The following AFG2A variants were observed in gnomAD, a reference collection of about 807,000 sequenced individuals.
AFG2A encodes the protein ATPase family gene 2 protein homolog A.
the AFG2A span, among the ~76,000 whole-genome samples, chr4:123,185,912 A>AAGAT: frequency 6.6e-6 from 1 of 152,174 alleles, no homozygotes; most frequent in East Asian, 1.9e-4. Context: ...GAAAGAAAGA[A>AAGAT]AATATGCATT....
At chr4:123,245,254 C>T in the AFG2A span, among the ~76,000 whole-genome samples, 6 of 152,132 alleles carry the variant, frequency 3.9e-5, no homozygotes, top group African/African-American at 1.4e-4. Flanking sequence ...TTTGTCCCCA[C>T]TGCCACTACT....
At chr4:123,232,373 G>A in the AFG2A span, among the ~76,000 whole-genome samples, 1 of 152,012 alleles carries the variant, frequency 6.6e-6, no homozygotes, top group African/African-American at 2.4e-5. Flanking sequence ...GAGGTATAAT[G>A]TGGAGTGTCA....
the AFG2A span, among the ~76,000 whole-genome samples, chr4:123,004,812 T>A: frequency 2.0e-5 from 3 of 152,202 alleles, no homozygotes; most frequent in Admixed American, 1.3e-4. Flanking sequence ...TATTTTTCCC[T>A]TATATGTTCT....
chr4:123,207,096 A>G, the AFG2A span, among the ~76,000 whole-genome samples: 1 of 152,174 alleles, frequency 6.6e-6, no homozygotes, highest in Non-Finnish European at 1.5e-5. Context: ...AAACGAATTA[A>G]TGAGGAAGAA....
chr4:122,988,835 T>A, the AFG2A span, among the ~76,000 whole-genome samples: 33 of 152,212 alleles, frequency 2.2e-4, no homozygotes, highest in Non-Finnish European at 4.3e-4. Flanking sequence ...CTTTTTGTTT[T>A]TGTGACAAGA....
At chr4:123,282,775 A>T in the AFG2A span, among the ~76,000 whole-genome samples, 13 of 13,630 alleles carry the variant, frequency 9.5e-4, no homozygotes, top group Non-Finnish European at 3.7e-3. Flanking sequence ...TTAAAATTAA[A>T]AAAAAAAAAA....
chr4:122,954,834 C>CT, the AFG2A span, among the ~76,000 whole-genome samples: 1 of 152,030 alleles, frequency 6.6e-6, no homozygotes. Flanking sequence ...AGATCCACCC[C>CT]CTGCAACAGC....
the AFG2A span, among the ~76,000 whole-genome samples, chr4:123,068,179 A>G: frequency 6.6e-6 from 1 of 152,150 alleles, no homozygotes; most frequent in Non-Finnish European, 1.5e-5. Context: ...TTGTATTTAA[A>G]CTTTTTCATA....
chr4:123,273,822 C>T, the AFG2A span, among the ~76,000 whole-genome samples: 49 of 152,222 alleles, frequency 3.2e-4, no homozygotes, highest in African/African-American at 1.1e-3. Flanking sequence ...CCCAAGATAA[C>T]TTATTATGTA....
the AFG2A span, among the ~76,000 whole-genome samples, chr4:123,089,727 T>C: frequency 6.6e-6 from 1 of 152,052 alleles, no homozygotes. Flanking sequence ...TGGGATTACA[T>C]GTACATACTA....
chr4:123,045,452 G>A, the AFG2A span, among the ~76,000 whole-genome samples: 1 of 152,264 alleles, frequency 6.6e-6, no homozygotes, highest in South Asian at 2.1e-4. Context: ...ATCATGTGTT[G>A]CATTTATTTG....
At chr4:123,029,194 T>G in the AFG2A span, among the ~76,000 whole-genome samples, 1 of 152,160 alleles carries the variant, frequency 6.6e-6, no homozygotes, top group Non-Finnish European at 1.5e-5. Flanking sequence ...GCCTCCCAGG[T>G]TCATGCCATT....
the AFG2A span, chr4:123,314,288 T>C: frequency 3.0e-6 from 1 of 338,200 alleles, no homozygotes. Flanking sequence ...ATTTGTGGTG[T>C]GGTTTAAAAA....
At chr4:123,003,755 G>T in the AFG2A span, among the ~76,000 whole-genome samples, 1 of 152,094 alleles carries the variant, frequency 6.6e-6, no homozygotes, top group Non-Finnish European at 1.5e-5. Flanking sequence ...GGTGGTCAGG[G>T]GTCAGGGACC....
chr4:123,032,532 C>T, the AFG2A span, among the ~76,000 whole-genome samples: 5 of 152,138 alleles, frequency 3.3e-5, no homozygotes, highest in African/African-American at 1.2e-4. Context: ...TCTGGGGTTA[C>T]AGGCTCCCAA....
the AFG2A span, among the ~76,000 whole-genome samples, chr4:123,291,429 C>A: frequency 6.6e-6 from 1 of 152,132 alleles, no homozygotes; most frequent in Non-Finnish European, 1.5e-5. Context: ...GAGTTTTATG[C>A]TTTCAAATGT....
the AFG2A span, among the ~76,000 whole-genome samples, chr4:123,262,820 G>C: frequency 1.3e-5 from 2 of 152,142 alleles, no homozygotes; most frequent in African/African-American, 4.8e-5. Context: ...TATTTATGTG[G>C]CATGATCTAC....
the AFG2A span, among the ~76,000 whole-genome samples, chr4:123,283,875 C>T: frequency 6.6e-6 from 1 of 152,116 alleles, no homozygotes; most frequent in Admixed American, 6.6e-5. Flanking sequence ...CTGTCTGGCC[C>T]TTTACAGCAT....
the AFG2A span, among the ~76,000 whole-genome samples, chr4:123,302,534 A>G: frequency 1.3e-4 from 19 of 151,924 alleles, no homozygotes; most frequent in African/African-American, 4.4e-4. Context: ...TTTCTAAGGC[A>G]AAAACTAGTT....
Sources: gnomAD v4.1 joint callset for allele counts (sites outside exome capture counted in the v4.1 genomes callset) on GRCh38, gnomAD v4.1.1 for gene constraint, MANE v1.5 for transcripts, NCBI Gene and HGNC (gene_info 2026-07-23, HGNC 2026-07-21) for gene names.